Variants in EEIG1 observed in about 807,000 individuals in gnomAD.
The protein encoded by EEIG1 is estrogen-induced osteoclastogenesis regulator 1.
At chr9:127,943,849 A>G in the EEIG1 span, 125,114 of 154,070 alleles carry the variant, frequency 0.81, 51,341 homozygotes, top group Non-Finnish European at 0.87. Flanking sequence ...GGGAGGTGAT[A>G]GCTGCCATTC....
the EEIG1 span, among the ~76,000 whole-genome samples, chr9:127,951,131 A>G: frequency 1.3e-5 from 2 of 152,120 alleles, no homozygotes; most frequent in Non-Finnish European, 2.9e-5. Flanking sequence ...GTAAGTGCGA[A>G]GAGGGCATGC....
chr9:127,979,392 C>G, the EEIG1 span, among the ~76,000 whole-genome samples: 1 of 152,252 alleles, frequency 6.6e-6, no homozygotes, highest in Non-Finnish European at 1.5e-5. Flanking sequence ...GGACGAACAA[C>G]ACAAAACCAA....
At chr9:127,964,097 CGGGG>C in the EEIG1 span, among the ~76,000 whole-genome samples, 2 of 152,064 alleles carry the variant, frequency 1.3e-5, no homozygotes, top group Admixed American at 6.6e-5. Context: ...CCTGGAAAGC[CGGGG>C]GGTGGATGAG....
the EEIG1 span, among the ~76,000 whole-genome samples, chr9:127,966,575 C>T: frequency 6.5e-3 from 995 of 152,332 alleles, 5 homozygotes; most frequent in Middle Eastern, 0.044. Flanking sequence ...ACTGCCCAGG[C>T]AAACGCCCTG....
the EEIG1 span, chr9:127,948,120 G>C: frequency 1.2e-6 from 2 of 1,613,562 alleles, no homozygotes; most frequent in Non-Finnish European, 1.7e-6. Flanking sequence ...ACCCAGTCAG[G>C]GAGTTGGTGC....
At chr9:127,945,776 G>A in the EEIG1 span, 1 of 1,505,460 alleles carries the variant, frequency 6.6e-7, no homozygotes, top group Non-Finnish European at 9.0e-7. The surrounding 1 kb of genome is among the most constrained non-coding windows in gnomAD (Gnocchi z 6.5). Context: ...AAGGGGCAGG[G>A]GGTGAGGTGA....
chr9:127,943,713 G>A, the EEIG1 span: 3 of 161,832 alleles, frequency 1.9e-5, no homozygotes, highest in Admixed American at 6.1e-5. Flanking sequence ...TCCCCAAGAT[G>A]CTTCCTCATT....
At chr9:127,955,254 G>C in the EEIG1 span, among the ~76,000 whole-genome samples, 6 of 152,178 alleles carry the variant, frequency 3.9e-5, no homozygotes, top group Non-Finnish European at 7.3e-5. Context: ...GCATCGCCAG[G>C]TTTGCTTTGC....
chr9:127,953,224 T>C, the EEIG1 span: 11 of 289,052 alleles, frequency 3.8e-5, no homozygotes, highest in Non-Finnish European at 5.8e-5. Context: ...ATACATTTTA[T>C]TTGCTGCTCT....
chr9:127,961,118 C>G, the EEIG1 span, among the ~76,000 whole-genome samples: 2 of 152,238 alleles, frequency 1.3e-5, no homozygotes, highest in Non-Finnish European at 2.9e-5. Context: ...TGCTGCGTAA[C>G]TCATCTGAAG....
At chr9:127,960,894 A>T in the EEIG1 span, among the ~76,000 whole-genome samples, 1 of 151,990 alleles carries the variant, frequency 6.6e-6, no homozygotes, top group Admixed American at 6.6e-5. Flanking sequence ...CAGGGCTCTG[A>T]ACAATCACCT....
chr9:127,965,263 T>C, the EEIG1 span, among the ~76,000 whole-genome samples: 2 of 151,920 alleles, frequency 1.3e-5, no homozygotes, highest in Non-Finnish European at 1.5e-5. Flanking sequence ...TCCTGCGCAC[T>C]GTGGGATGTT....
At chr9:127,947,962 C>T in the EEIG1 span, 39 of 1,285,730 alleles carry the variant, frequency 3.0e-5, no homozygotes, top group Non-Finnish European at 3.7e-5. Flanking sequence ...AACACCCTCC[C>T]ACCATCACTC....
At chr9:127,943,165 C>T in the EEIG1 span, 141 of 1,612,530 alleles carry the variant, frequency 8.7e-5, no homozygotes, top group Middle Eastern at 1.7e-4. Context: ...GAAAGCAGGA[C>T]TCTTCTCCAG....
the EEIG1 span, chr9:127,941,216 G>C: frequency 6.6e-6 from 1 of 152,252 alleles, no homozygotes; most frequent in African/African-American, 2.4e-5. Flanking sequence ...GGATGTGGCA[G>C]GCTCTGTCTC....
At chr9:127,974,816 G>A in the EEIG1 span, among the ~76,000 whole-genome samples, 78 of 152,328 alleles carry the variant, frequency 5.1e-4, no homozygotes, top group African/African-American at 1.4e-3. Context: ...GACAAAGCGT[G>A]TGTTCAGGGA....
At chr9:127,961,528 G>T in the EEIG1 span, among the ~76,000 whole-genome samples, 15 of 152,288 alleles carry the variant, frequency 9.8e-5, no homozygotes, top group East Asian at 2.5e-3. Flanking sequence ...GAAGGCTCTG[G>T]GAACACAAGC....
At chr9:127,940,629 T>TGAC in the EEIG1 span, 1 of 152,144 alleles carries the variant, frequency 6.6e-6, no homozygotes, top group Non-Finnish European at 1.5e-5. Flanking sequence ...ACCAAGACGC[T>TGAC]GACACTAGCC....
the EEIG1 span, among the ~76,000 whole-genome samples, chr9:127,946,393 C>T: frequency 6.6e-6 from 1 of 152,244 alleles, no homozygotes; most frequent in Non-Finnish European, 1.5e-5. Context: ...CTAGGTGGGA[C>T]CTACCCAGGG....
Sources: allele counts gnomAD v4.1 joint callset (sites outside exome capture counted in the v4.1 genomes callset), GRCh38; gene constraint gnomAD v4.1.1; non-coding constraint Gnocchi (gnomAD v3.1); transcripts MANE v1.5; gene names NCBI Gene and HGNC (gene_info 2026-07-23, HGNC 2026-07-21).